The following SPATA16 variants were observed in gnomAD, a reference collection of about 807,000 sequenced individuals.
SPATA16 encodes spermatogenesis associated 16, also known as spermatogenesis-associated protein 16.
SPATA16 carries 36 observed loss-of-function variants against 63.3 expected under a neutral mutation model. The observed-to-expected ratio is 0.57, with a 90% CI of 0.44 to 0.75. The LOEUF is 0.75. Among genes scored for constraint, SPATA16 ranks in the 30% least tolerant of loss-of-function variants. SPATA16 has a pLI of 0.00. For synonymous variants in SPATA16, 203 were observed against 216.7 expected, an observed-to-expected ratio of 0.94 and a Z score of 0.56; for missense variants, 646 against 679.3, an observed-to-expected ratio of 0.95 and a Z score of 0.54.
At chr3:172,898,927 T>C (rs1732066395) in intron 10 of SPATA16, among the ~76,000 whole-genome samples, 1 of 151,958 alleles carries the variant, frequency 6.6e-6, no homozygotes, top group Admixed American at 6.5e-5. Flanking sequence ...TAGTTCAATA[T>C]ATTCTTACAT....
chr3:172,945,358 C>T (rs1733255944), intron 6 of SPATA16, among the ~76,000 whole-genome samples: 1 of 152,328 alleles, frequency 6.6e-6, no homozygotes, highest in South Asian at 2.1e-4. Context: ...CCAAATAGAA[C>T]TCTCCAGTGA....
intron 5 of SPATA16, among the ~76,000 whole-genome samples, chr3:172,961,185 A>C (rs1269442474): frequency 6.7e-6 from 1 of 149,390 alleles, no homozygotes; most frequent in Non-Finnish European, 1.5e-5. Context: ...GTGCTTGGTG[A>C]AAGTGGTTTA....
chr3:172,982,487 C>T (rs987947563), intron 4 of SPATA16, among the ~76,000 whole-genome samples: 27 of 152,280 alleles, frequency 1.8e-4, no homozygotes, highest in African/African-American at 6.0e-4. Flanking sequence ...GCAGTTATTG[C>T]TTCCCTGCAA....
intron 2 of SPATA16, among the ~76,000 whole-genome samples, chr3:173,055,725 TAC>T (rs561941345): frequency 6.6e-6 from 1 of 152,172 alleles, no homozygotes. Flanking sequence ...ACAGACATAA[TAC>T]ACACACACAT....
intron 10 of SPATA16, 31 bp downstream of exon 10, chr3:172,913,630 T>C (rs1732418386): frequency 6.3e-7 from 1 of 1,595,560 alleles, no homozygotes; most frequent in East Asian, 2.2e-5. Flanking sequence ...TTGAGAATAA[T>C]AGATCTTTTT....
At chr3:173,028,013 C>CCCTCCCTCCCTTCTTT (rs1560100953) in intron 3 of SPATA16, among the ~76,000 whole-genome samples, 22 of 35,034 alleles carry the variant, frequency 6.3e-4, no homozygotes, top group South Asian at 2.8e-3. Flanking sequence ...CTCCCTCCCT[C>CCCTCCCTCCCTTCTTT]CCTTCCTTCT....
intron 6 of SPATA16, among the ~76,000 whole-genome samples, chr3:172,949,294 TTTG>T (rs1733370342): frequency 6.6e-6 from 1 of 152,170 alleles, no homozygotes; most frequent in South Asian, 2.1e-4. Context: ...GCAGTGATTA[TTTG>T]TAGACCATAA....
intron 10 of SPATA16, among the ~76,000 whole-genome samples, chr3:172,889,952 G>A (rs1046450900): frequency 6.6e-6 from 1 of 152,168 alleles, no homozygotes; most frequent in Non-Finnish European, 1.5e-5. Flanking sequence ...TGGAAATGGG[G>A]ATTACTGTCA....
intron 4 of SPATA16, among the ~76,000 whole-genome samples, chr3:172,978,081 A>G (rs1185608373): frequency 6.6e-6 from 1 of 151,802 alleles, no homozygotes. Flanking sequence ...CTAAAAAATC[A>G]ATGGTGGAAA....
At chr3:173,124,338 A>G (rs1460824469) in intron 1 of SPATA16, among the ~76,000 whole-genome samples, 2 of 152,242 alleles carry the variant, frequency 1.3e-5, no homozygotes, top group African/African-American at 4.8e-5. Context: ...GATCGGATAC[A>G]TGAGAATCAT....
In SPATA16 at chr3:172,904,782, C is replaced by T. The variant is rs193062160; in HGVS notation, c.1587+8879G>A. Reference sequence around the variant, plus strand: ...GGAAAGATGGCCAGACCAAGGCTTTCGGCTCTCTCCATTCCACAGGCGAGG... The same window carrying T: ...GGAAAGATGGCCAGACCAAGGCTTTTGGCTCTCTCCATTCCACAGGCGAGG... On this transcript the variant is annotated intron_variant, in intron 10 of 10. Transcript: ENST00000351008. Among the ~76,000 whole-genome samples the T allele has an allele frequency of 3.4e-3, 512 of 152,300 alleles. 3 individuals are homozygous for T. Among genetic ancestry groups the T allele is most frequent in the African/African-American group, 0.011 (469 of 41,564 alleles).
At chr3:173,084,980 G>C (rs1737013424) in intron 2 of SPATA16, among the ~76,000 whole-genome samples, 1 of 151,938 alleles carries the variant, frequency 6.6e-6, no homozygotes, top group Non-Finnish European at 1.5e-5. Flanking sequence ...CTTTTTGCTT[G>C]GGATTGTCCT....
At chr3:172,901,453 G>C (rs1732125301) in intron 10 of SPATA16, among the ~76,000 whole-genome samples, 1 of 152,150 alleles carries the variant, frequency 6.6e-6, no homozygotes, top group African/African-American at 2.4e-5. Context: ...ACCTGCCTTG[G>C]CCTCCCAAAT....
chr3:172,890,350 T>C (rs1560057916), intron 10 of SPATA16, among the ~76,000 whole-genome samples: 1 of 119,112 alleles, frequency 8.4e-6, no homozygotes, highest in African/African-American at 2.5e-5. Context: ...TGTAGTATAC[T>C]GTTTGTCAGA....
At chr3:173,011,148 A>C (rs1026104946) in intron 4 of SPATA16, among the ~76,000 whole-genome samples, 9 of 152,122 alleles carry the variant, frequency 5.9e-5, no homozygotes, top group African/African-American at 1.9e-4. Context: ...AGAAAACTAC[A>C]GGCACAAAAT....
At chr3:173,071,587 A>G (rs543785537) in intron 2 of SPATA16, among the ~76,000 whole-genome samples, 1 of 152,324 alleles carries the variant, frequency 6.6e-6, no homozygotes, top group South Asian at 2.1e-4. Flanking sequence ...ACCAGAATAT[A>G]TAAGGAGATC....
At chr3:173,064,943 G>A (rs1459857166) in intron 2 of SPATA16, among the ~76,000 whole-genome samples, 2 of 152,180 alleles carry the variant, frequency 1.3e-5, no homozygotes, top group Non-Finnish European at 2.9e-5. Flanking sequence ...TTTCTCATCT[G>A]CAACTCATGT....
intron 10 of SPATA16, among the ~76,000 whole-genome samples, chr3:172,908,296 A>T (rs1732287703): frequency 6.6e-6 from 1 of 152,238 alleles, no homozygotes; most frequent in Middle Eastern, 3.4e-3. Context: ...ACTTTCCAAC[A>T]CATAAAAATT....
chr3:172,928,836 GA>G (rs142286824), intron 6 of SPATA16, among the ~76,000 whole-genome samples: 2,910 of 152,134 alleles, frequency 0.019, 28 homozygotes, highest in Middle Eastern at 0.058. Context: ...GTTAAATTTA[GA>G]AAAAAATTTT....
Sources: gnomAD v4.1 joint callset for allele counts (sites outside exome capture counted in the v4.1 genomes callset) on GRCh38, gnomAD v4.1.1 for gene constraint, MANE v1.5 for transcripts, NCBI Gene and HGNC (gene_info 2026-07-23, HGNC 2026-07-21) for gene names.